CSMD1: variants seen among roughly 807,000 people sequenced by gnomAD.
CSMD1 encodes the protein CUB and sushi domain-containing protein 1.
CSMD1 carries 213 observed loss-of-function variants against 417.5 expected under a neutral mutation model. The observed-to-expected ratio is 0.51, with a 90% CI of 0.46 to 0.57. CSMD1 has a LOEUF of 0.57. CSMD1 is among the 20% of genes least tolerant of loss of function. CSMD1 has a pLI of 0.00. For missense variants in CSMD1, 6,923 were observed against 4,529.7 expected (o/e 1.53, Z -15.17); for synonymous variants, 2,862 against 1,736.8 (o/e 1.65, Z -16.11).
intron 7 of CSMD1, among the ~76,000 whole-genome samples, chr8:3,642,618 G>A (rs888334645): frequency 2.0e-5 from 3 of 152,196 alleles, no homozygotes; most frequent in Admixed American, 1.3e-4. Context: ...ACCTGGCATC[G>A]TGAGTGGAAG....
chr8:4,480,632 G>A (rs1032776706), intron 2 of CSMD1, among the ~76,000 whole-genome samples: 2 of 152,210 alleles, frequency 1.3e-5, no homozygotes. Context: ...ACGTCTGTGG[G>A]CCATTCTCTA....
intron 4 of CSMD1, among the ~76,000 whole-genome samples, chr8:4,000,679 A>G (rs1815597757): frequency 6.6e-6 from 1 of 152,128 alleles, no homozygotes; most frequent in African/African-American, 2.4e-5. Flanking sequence ...AAATAACTCT[A>G]TATAAACATA....
intron 4 of CSMD1, among the ~76,000 whole-genome samples, chr8:4,022,363 C>T (rs1051653694): frequency 1.3e-5 from 2 of 152,012 alleles, no homozygotes; most frequent in African/African-American, 4.8e-5. Context: ...TACTTAAAAT[C>T]ATGAAGCAAC....
At chr8:3,886,524 G>A (rs373399514) in intron 5 of CSMD1, among the ~76,000 whole-genome samples, 1 of 152,222 alleles carries the variant, frequency 6.6e-6, no homozygotes, top group South Asian at 2.1e-4. Context: ...GCTGAAGTTT[G>A]AAAGCAGGCC....
At chr8:4,939,673 A>G (rs1288194671) in intron 1 of CSMD1, among the ~76,000 whole-genome samples, 1 of 152,208 alleles carries the variant, frequency 6.6e-6, no homozygotes. Context: ...GATACTGGCC[A>G]AATGTTACAG....
chr8:3,407,475 AGATGCATG>A (rs1214823542), intron 14 of CSMD1, among the ~76,000 whole-genome samples: 6 of 151,760 alleles, frequency 4.0e-5, no homozygotes, highest in Non-Finnish European at 8.8e-5. Context: ...AAGGATGGAT[AGATGCATG>A]GATGGATGAA....
At chr8:3,262,385 G>A (rs1042878102) in intron 26 of CSMD1, among the ~76,000 whole-genome samples, 1 of 151,202 alleles carries the variant, frequency 6.6e-6, no homozygotes, top group Non-Finnish European at 1.5e-5. Context: ...ATCTGAAGAT[G>A]ACAGTATCCA....
intron 3 of CSMD1, among the ~76,000 whole-genome samples, chr8:4,044,887 G>T (rs917894647): frequency 3.3e-5 from 5 of 152,180 alleles, no homozygotes; most frequent in Non-Finnish European, 2.9e-5. Flanking sequence ...CAGCCCTCAG[G>T]CCCAGACTGA....
intron 6 of CSMD1, among the ~76,000 whole-genome samples, chr8:3,728,062 G>C (rs934477580): frequency 6.6e-6 from 1 of 152,132 alleles, no homozygotes; most frequent in East Asian, 1.9e-4. Flanking sequence ...AAAGGGTTTG[G>C]CTATGACAGT....
At chr8:3,074,231 T>C (rs1813491299) in intron 49 of CSMD1, among the ~76,000 whole-genome samples, 1 of 152,202 alleles carries the variant, frequency 6.6e-6, no homozygotes, top group African/African-American at 2.4e-5. Flanking sequence ...AGGCTCTCCC[T>C]CACATCCAGT....
At chr8:3,824,878 T>C (rs896859313) in intron 5 of CSMD1, among the ~76,000 whole-genome samples, 9 of 152,148 alleles carry the variant, frequency 5.9e-5, no homozygotes, top group African/African-American at 2.2e-4. Flanking sequence ...ACACAGGCTT[T>C]AATAAAATGA....
chr8:3,744,099 T>C (rs2129051197), intron 6 of CSMD1, among the ~76,000 whole-genome samples: 1 of 152,302 alleles, frequency 6.6e-6, no homozygotes, highest in East Asian at 1.9e-4. Flanking sequence ...GCATGCATCC[T>C]TCCCTTTGGC....
chr8:4,617,783 T>C (rs532467620), intron 2 of CSMD1, among the ~76,000 whole-genome samples: 104 of 152,228 alleles, frequency 6.8e-4, no homozygotes, highest in African/African-American at 2.4e-3. Flanking sequence ...AGTGAGTTAT[T>C]TGCTTGCTCA....
intron 3 of CSMD1, among the ~76,000 whole-genome samples, chr8:4,063,983 G>C (rs1370456661): frequency 2.0e-5 from 3 of 152,100 alleles, no homozygotes; most frequent in East Asian, 1.9e-4. Context: ...TGTGTGTTGG[G>C]AAAATGGGGA....
chr8:4,279,403 C>T (rs930827758), intron 3 of CSMD1, among the ~76,000 whole-genome samples: 1 of 152,170 alleles, frequency 6.6e-6, no homozygotes, highest in African/African-American at 2.4e-5. Context: ...TCTGAATCAC[C>T]ATTAAATGTG....
At chr8:4,662,306 T>C (rs1166433337) in intron 1 of CSMD1, among the ~76,000 whole-genome samples, 4 of 152,070 alleles carry the variant, frequency 2.6e-5, no homozygotes, top group Admixed American at 6.6e-5. Context: ...AGTAACTGAG[T>C]AATGAATTAC....
chr8:3,842,142 G>T (rs1351773162), intron 5 of CSMD1, among the ~76,000 whole-genome samples: 1 of 152,120 alleles, frequency 6.6e-6, no homozygotes, highest in Non-Finnish European at 1.5e-5. Flanking sequence ...TCTTCTCCTT[G>T]TCAAACAACC....
intron 3 of CSMD1, among the ~76,000 whole-genome samples, chr8:4,080,121 C>T (rs1421550652): frequency 2.6e-5 from 4 of 151,864 alleles, no homozygotes; most frequent in Non-Finnish European, 5.9e-5. Flanking sequence ...CATGTATACA[C>T]CCCCATAGGT....
At chr8:4,213,566 G>T (rs1219928521) in intron 3 of CSMD1, among the ~76,000 whole-genome samples, 2 of 152,150 alleles carry the variant, frequency 1.3e-5, no homozygotes, top group Non-Finnish European at 2.9e-5. Context: ...AAACACTTTT[G>T]CTCTCCCACT....
Sources: gnomAD v4.1 joint callset for allele counts (sites outside exome capture counted in the v4.1 genomes callset) on GRCh38, gnomAD v4.1.1 for gene constraint, MANE v1.5 for transcripts, NCBI Gene and HGNC (gene_info 2026-07-23, HGNC 2026-07-21) for gene names.